GATA4: variants seen among roughly 807,000 people sequenced by gnomAD.
GATA4 encodes the protein GATA binding protein 4.
Under a neutral mutation model 37.9 loss-of-function variants are expected in GATA4, and 7 were observed. The ratio of observed to expected loss-of-function variants is 0.18; its 90% CI spans 0.11 to 0.35. The LOEUF (loss-of-function observed/expected upper bound fraction) is 0.35. Among genes scored for constraint, GATA4 ranks in the 10% least tolerant of loss-of-function variants. The pLI is 1.00. For missense variants in GATA4, 647 were observed against 653.0 expected (o/e 0.99, Z 0.10); for synonymous variants, 372 against 292.6 (o/e 1.27, Z -2.77).
chr8:11,745,551 A>C (rs1312994867), intron 2 of GATA4, among the ~76,000 whole-genome samples: 3 of 151,892 alleles, frequency 2.0e-5, no homozygotes, highest in African/African-American at 7.3e-5. Flanking sequence ...GCAGCACTGT[A>C]CTCCAGCCTG....
At position 11,743,534 on chromosome 8, in the gene GATA4, G is replaced by A. The variant is rs146691610; in HGVS notation, c.617-5382G>A. 9.2e-5 allele frequency among the ~76,000 whole-genome samples: 14 copies of A among 152,364 alleles called. No homozygotes were observed. In the East Asian group the frequency reaches 2.7e-3, roughly 29 times the overall value. ...AGTGGCCTGAGCTGTCTCCCCAGCG[G>A]CCAGCAGTGCCCAGGGGAGGGAGTG... On this transcript the variant is annotated intron_variant, in intron 2 of 6. Transcript: ENST00000532059.
At chr8:11,733,496 G>C (rs1801305294) in intron 2 of GATA4, among the ~76,000 whole-genome samples, 1 of 152,206 alleles carries the variant, frequency 6.6e-6, no homozygotes, top group Non-Finnish European at 1.5e-5. Context: ...ATGCAGCCAA[G>C]GTATTAGGAA....
chr8:11,720,773 G>C (rs1800636028), intron 2 of GATA4, among the ~76,000 whole-genome samples: 1 of 147,764 alleles, frequency 6.8e-6, no homozygotes, highest in Admixed American at 6.7e-5. Flanking sequence ...CAAGAGACCT[G>C]ATCTGGTTTT....
chr8:11,742,384 G>T (rs112876765), intron 2 of GATA4, among the ~76,000 whole-genome samples: 4,907 of 67,994 alleles, frequency 0.072, 258 homozygotes, highest in African/African-American at 0.14. Flanking sequence ...TTGGTGTTTT[G>T]TTTTTTTTTT....
At chr8:11,745,147 C>A (rs1487100068) in intron 2 of GATA4, among the ~76,000 whole-genome samples, 1 of 152,116 alleles carries the variant, frequency 6.6e-6, no homozygotes, top group Admixed American at 6.5e-5. Context: ...AATGCATAAC[C>A]CAACTTTGAG....
intron 1 of GATA4, among the ~76,000 whole-genome samples, chr8:11,695,384 C>T (rs1036403161): frequency 6.6e-6 from 1 of 151,956 alleles, no homozygotes. Context: ...CCAGCCTGGG[C>T]ACCAAGAGTG....
At chr8:11,702,168 C>G (rs993262948), upstream of GATA4, among the ~76,000 whole-genome samples, 1 of 152,198 alleles carries the variant, frequency 6.6e-6, no homozygotes, top group African/African-American at 2.4e-5. This position sits in a 1 kb window ranked among gnomAD's most constrained non-coding sequence, Gnocchi z 4.4. Context: ...GGCGTAGGAG[C>G]GCCGCCTGTG....
At chr8:11,680,723 A>G (rs1727461455) in intron 1 of GATA4, 1 of 985,090 alleles carries the variant, frequency 1.0e-6, no homozygotes, top group Non-Finnish European at 1.2e-6. Context: ...CTGCGCACGG[A>G]TACCCTGGGC....
chr8:11,708,597 C>G lies in GATA4; in HGVS notation c.285C>G (p.Asp95Glu). ...GSPGWSQAGA[D>E]GAAYTPPPVS... ...CGGGATGGAGCCAGGCGGGAGCCGA[C>G]GGAGCCGCTTACACCCCGCCGCCGG... The change falls in exon 2 of 7, where the codon GAC (aspartate) becomes GAG (glutamate). Residue 95 changes from aspartate to glutamate, a missense_variant. This residue lies in a region of GATA4 where 379 missense variants were observed against 334.5 expected (regional missense o/e 1.13). Coordinates refer to ENST00000532059, the MANE Select transcript of GATA4 (RefSeq NM_001308093.3). The surrounding 1 kb of genome is among the most constrained non-coding windows in gnomAD (Gnocchi z 6.7). 1 of 1,359,088 alleles carries G rather than the reference C, an allele frequency of 7.4e-7. No homozygotes were observed. The highest frequency in any genetic ancestry group is 9.4e-7 in the Non-Finnish European group (1 of 1,058,564). 84.2% of individuals were successfully genotyped at this position (1,359,088 alleles called of 1,614,324 possible).
At chr8:11,680,785 C>T (rs1585541204) in intron 1 of GATA4, 1 of 985,328 alleles carries the variant, frequency 1.0e-6, no homozygotes, top group Non-Finnish European at 1.2e-6. Context: ...GAGGTGCTCA[C>T]CCGCCCCTCG....
Position 11,683,032 on chromosome 8 carries a change from C to T in GATA4, c.-274+5969C>T, listed in dbSNP as rs1010368935. On this transcript the variant is annotated intron_variant, in intron 1 of 6. Coordinates refer to the GATA4 transcript ENST00000528712. ...TTGAGGTGGAAACAGCCTCGGTGCG[C>T]GGGGGTTTCTCGACAGCTCTCTGGT... The T allele has an allele frequency of 9.2e-6, 9 of 983,022 alleles. 1 individual carries two copies. The South Asian group carries it at 3.3e-4, about 36-fold the overall frequency. The allele number at this position is 983,022 out of a possible 1,614,324, so 60.9% of individuals were successfully genotyped here.
upstream of GATA4, among the ~76,000 whole-genome samples, chr8:11,701,334 A>G (rs958459243): frequency 8.6e-5 from 13 of 151,980 alleles, no homozygotes; most frequent in Middle Eastern, 3.4e-3. Context: ...GAGGACTTGA[A>G]TGGGGATTGG....
At chr8:11,733,282 C>G (rs969051371) in intron 2 of GATA4, among the ~76,000 whole-genome samples, 11 of 152,084 alleles carry the variant, frequency 7.2e-5, no homozygotes, top group Non-Finnish European at 1.5e-4. Flanking sequence ...TTCTTAAATA[C>G]AACGTGTCCA....
At chr8:11,693,214 C>G (rs948894747) in intron 1 of GATA4, among the ~76,000 whole-genome samples, 1 of 152,164 alleles carries the variant, frequency 6.6e-6, no homozygotes, top group African/African-American at 2.4e-5. Context: ...ATTTGTAATC[C>G]CAGCACTTAG....
At chr8:11,730,458 C>T (rs899316444) in intron 2 of GATA4, among the ~76,000 whole-genome samples, 1 of 152,162 alleles carries the variant, frequency 6.6e-6, no homozygotes, top group African/African-American at 2.4e-5. Context: ...TACTAAAAAT[C>T]GGAATAGAAT....
upstream of GATA4, among the ~76,000 whole-genome samples, chr8:11,702,151 A>G (rs1012786516): frequency 1.3e-5 from 2 of 152,164 alleles, no homozygotes; most frequent in Non-Finnish European, 2.9e-5. This position sits in a 1 kb window ranked among gnomAD's most constrained non-coding sequence, Gnocchi z 4.4. Context: ...CACTACTAGG[A>G]GAAGCCGGCG....
At position 11,750,252 on chromosome 8, in the gene GATA4, GC is replaced by G. The variant is rs1802236848; in HGVS notation, c.912+19del. 1.2e-6 allele frequency: 2 copies of G among 1,611,182 alleles called. No individual in the cohort carries two copies. The highest frequency in any genetic ancestry group is 1.6e-4 in the Middle Eastern group (1 of 6,084). Reference sequence around the variant, plus strand: ...GCTCCACGGGGTACGTGGGTCCTGCGCCCATGCGGCATCCTTGCCTTCTGAT... The same window carrying G: ...GCTCCACGGGGTACGTGGGTCCTGCGCCATGCGGCATCCTTGCCTTCTGAT... On this transcript the variant is annotated intron_variant, in intron 4 of 6. Coordinates refer to ENST00000532059, the MANE Select transcript of GATA4 (RefSeq NM_001308093.3).
At chr8:11,677,112 G>C (rs1307278527) in intron 1 of GATA4, 1 of 152,620 alleles carries the variant, frequency 6.6e-6, no homozygotes, top group East Asian at 1.9e-4. Context: ...GTGGGAGGCT[G>C]GGATGCTGGG....
chr8:11,687,861 G>T (rs115901646), upstream of GATA4, among the ~76,000 whole-genome samples: 1 of 152,254 alleles, frequency 6.6e-6, no homozygotes, highest in African/African-American at 2.4e-5. Context: ...ATCAAGCCCT[G>T]CCCCCGTTTC....
Sources: gnomAD v4.1 joint callset for allele counts (sites outside exome capture counted in the v4.1 genomes callset) on GRCh38, gnomAD v4.1.1 for gene constraint, gnomAD v4.1.1 regional missense constraint, Gnocchi (gnomAD v3.1) non-coding constraint, MANE v1.5 for transcripts, NCBI Gene and HGNC (gene_info 2026-07-23, HGNC 2026-07-21) for gene names.